The following HEATR5A variants were observed in gnomAD, a reference collection of about 807,000 sequenced individuals.
The protein encoded by HEATR5A is HEAT repeat containing 5A, also known as HEAT repeat-containing protein 5A.
A neutral mutation model predicts 218.8 loss-of-function variants in HEATR5A; 178 were observed. That is an observed-to-expected ratio of 0.81 (90% CI 0.72 to 0.92). The LOEUF (loss-of-function observed/expected upper bound fraction) is 0.92, where lower values mean the gene tolerates loss of function less well. Ranked by LOEUF, HEATR5A falls within the 40% of genes least tolerant of loss-of-function variation. HEATR5A has a pLI of 0.00. For missense variants in HEATR5A, 2,420 were observed against 2,418.9 expected (o/e 1.00, Z -0.01); for synonymous variants, 864 against 871.6 (o/e 0.99, Z 0.15).
intron 6 of HEATR5A, among the ~76,000 whole-genome samples, chr14:31,391,702 G>A (rs1475446632): frequency 2.0e-5 from 3 of 152,138 alleles, no homozygotes; most frequent in East Asian, 3.8e-4. Context: ...CATGGTCAGT[G>A]CCGTATAGGT....
chr14:31,349,168 A>T (rs7151153), intron 18 of HEATR5A, among the ~76,000 whole-genome samples: 128,621 of 152,020 alleles, frequency 0.85, 55,288 homozygotes, highest in Non-Finnish European at 0.93. Context: ...GGCGGGCGGA[A>T]CACAAGGTCA....
chr14:31,337,332 G>C (rs1595112093), intron 22 of HEATR5A, 144 bp downstream of exon 22: 3 of 669,676 alleles, frequency 4.5e-6, no homozygotes, highest in African/African-American at 1.8e-5. Flanking sequence ...AACATCACTG[G>C]TTGGAATAAC....
chr14:31,379,866 G>A (rs2029913601), intron 11 of HEATR5A, among the ~76,000 whole-genome samples: 1 of 152,114 alleles, frequency 6.6e-6, no homozygotes, highest in South Asian at 2.1e-4. Flanking sequence ...GCTTAGGTAG[G>A]AGGATCACTT....
At chr14:31,404,916 T>TA (rs944247065) in intron 1 of HEATR5A, among the ~76,000 whole-genome samples, 78 of 146,982 alleles carry the variant, frequency 5.3e-4, no homozygotes, top group Non-Finnish European at 9.0e-4. Context: ...TGTCTCAAAA[T>TA]AAAAAAAAGA....
chr14:31,317,785 T>C (rs780444086), intron 26 of HEATR5A, among the ~76,000 whole-genome samples: 2 of 152,250 alleles, frequency 1.3e-5, no homozygotes, highest in African/African-American at 4.8e-5. Context: ...ACTCACAATG[T>C]TGCTGGGACT....
intron 11 of HEATR5A, among the ~76,000 whole-genome samples, chr14:31,379,613 G>C (rs186620788): frequency 1.4e-3 from 217 of 152,248 alleles, no homozygotes; most frequent in African/African-American, 4.0e-3. Context: ...ATATAGGTGT[G>C]ATAGAGTAAT....
At chr14:31,362,389 T>C (rs915215148) in intron 14 of HEATR5A, among the ~76,000 whole-genome samples, 2 of 151,434 alleles carry the variant, frequency 1.3e-5, no homozygotes, top group Admixed American at 6.6e-5. Flanking sequence ...ACTCCAATTC[T>C]GAGAAAATCC....
intron 16 of HEATR5A, among the ~76,000 whole-genome samples, chr14:31,357,137 A>G (rs188213243): frequency 6.6e-6 from 1 of 152,318 alleles, no homozygotes; most frequent in African/African-American, 2.4e-5. Flanking sequence ...TCTTATCACC[A>G]TAACCTTATA....
intron 1 of HEATR5A, chr14:31,420,179 T>G (rs1253928387): frequency 6.6e-6 from 1 of 152,238 alleles, no homozygotes; most frequent in Non-Finnish European, 1.5e-5. Flanking sequence ...AGCCAGACTT[T>G]CCCGTAGTCC....
At chr14:31,407,169 C>T (rs1006190251) in intron 1 of HEATR5A, among the ~76,000 whole-genome samples, 1 of 151,806 alleles carries the variant, frequency 6.6e-6, no homozygotes, top group African/African-American at 2.4e-5. Flanking sequence ...TGCACACCTG[C>T]AGTCCCAGCT....
intron 1 of HEATR5A, among the ~76,000 whole-genome samples, chr14:31,407,488 AG>A (rs2031111370): frequency 6.6e-6 from 1 of 152,202 alleles, no homozygotes; most frequent in Non-Finnish European, 1.5e-5. Context: ...ATGAAGTATT[AG>A]TCAAAATGCT....
chr14:31,301,197 A>C (rs1364663320), intron 33 of HEATR5A, among the ~76,000 whole-genome samples: 2 of 152,218 alleles, frequency 1.3e-5, no homozygotes, highest in African/African-American at 4.8e-5. Context: ...TAATCACTAC[A>C]ACACACTAGT....
At chr14:31,355,093 A>C (rs1470180283) in intron 16 of HEATR5A, among the ~76,000 whole-genome samples, 1 of 152,334 alleles carries the variant, frequency 6.6e-6, no homozygotes, top group East Asian at 1.9e-4. Context: ...CATTCTTTGC[A>C]ATTAGATGAA....
intron 16 of HEATR5A, among the ~76,000 whole-genome samples, chr14:31,353,148 C>T (rs1183841794): frequency 2.6e-5 from 4 of 151,532 alleles, no homozygotes; most frequent in Admixed American, 6.6e-5. Flanking sequence ...TACAAAGAGC[C>T]GCCATTAACA....
intron 28 of HEATR5A, among the ~76,000 whole-genome samples, chr14:31,311,570 C>T (rs1216334582): frequency 6.6e-6 from 1 of 151,758 alleles, no homozygotes; most frequent in Non-Finnish European, 1.5e-5. Flanking sequence ...CTACATCACA[C>T]CCAGCTTATA....
chr14:31,307,857 A>G, intron 30 of HEATR5A, 36 bp downstream of exon 30: 1 of 1,600,788 alleles, frequency 6.2e-7, no homozygotes, highest in Middle Eastern at 1.7e-4. Context: ...CTTAAAGACT[A>G]CAGAAGCCTT....
At chr14:31,378,753 A>C (rs1202256113) in intron 11 of HEATR5A, among the ~76,000 whole-genome samples, 2 of 142,452 alleles carry the variant, frequency 1.4e-5, no homozygotes, top group Non-Finnish European at 3.0e-5. Context: ...GCGCCACTGC[A>C]CTCCAGCCTG....
rs1430568936 is a variant in HEATR5A at position 31,316,013 on chromosome 14, G to C, written c.4039-64C>G. The C allele has an allele frequency of 3.8e-6, 5 of 1,299,676 alleles. No homozygotes were observed. The East Asian group carries it at 1.3e-4, about 33-fold the overall frequency. 80.5% of individuals were successfully genotyped at this position (1,299,676 alleles called of 1,614,324 possible). On this transcript the variant is annotated intron_variant, in intron 26 of 35. Coordinates refer to ENST00000543095, the MANE Select transcript of HEATR5A (RefSeq NM_015473.4). The stretch of plus-strand genomic sequence containing the variant: ...TAAGTATCTCCCTTGGCTGGGTGTG[G>C]TGGCTCATGCCTGTAATCCCAGCAC...
intron 31 of HEATR5A, among the ~76,000 whole-genome samples, chr14:31,305,577 A>G (rs928573752): frequency 1.3e-5 from 2 of 152,160 alleles, no homozygotes; most frequent in African/African-American, 2.4e-5. Context: ...AATACATTTA[A>G]TGACTAAATT....
Sources: gnomAD v4.1 joint callset for allele counts (sites outside exome capture counted in the v4.1 genomes callset) on GRCh38, gnomAD v4.1.1 for gene constraint, MANE v1.5 for transcripts, NCBI Gene and HGNC (gene_info 2026-07-23, HGNC 2026-07-21) for gene names.